Variants in ASCC3 observed in about 807,000 individuals in gnomAD.
The protein encoded by ASCC3 is activating signal cointegrator 1 complex subunit 3, also known as ASC-1 complex subunit P200.
ASCC3 carries 158 observed loss-of-function variants against 256.3 expected under a neutral mutation model. That is an observed-to-expected ratio of 0.62 (90% CI 0.54 to 0.70). ASCC3 has a LOEUF of 0.70. Among genes scored for constraint, ASCC3 ranks in the 30% least tolerant of loss-of-function variants. The probability of loss-of-function intolerance (pLI) is 0.00; values close to 1 mark genes in which losing one functional copy is unlikely to be tolerated. For missense variants in ASCC3, 2,259 were observed against 2,626.0 expected (o/e 0.86, Z 3.05); for synonymous variants, 948 against 883.4 (o/e 1.07, Z -1.30).
At chr6:100,792,293 TATACA>T (rs1769386486) in intron 8 of ASCC3, among the ~76,000 whole-genome samples, 1 of 151,960 alleles carries the variant, frequency 6.6e-6, no homozygotes, top group Non-Finnish European at 1.5e-5. Flanking sequence ...AATATTTTGC[TATACA>T]ATACATCTGA....
chr6:100,606,715 A>AT (rs1243674479), intron 32 of ASCC3, 25 bp downstream of exon 32: 2 of 1,583,288 alleles, frequency 1.3e-6, no homozygotes, highest in Non-Finnish European at 1.7e-6. Flanking sequence ...AGCTTCATGT[A>AT]TTTCTGTGAA....
chr6:100,853,319 C>T (rs904884111), intron 3 of ASCC3, among the ~76,000 whole-genome samples: 1 of 151,362 alleles, frequency 6.6e-6, no homozygotes, highest in Non-Finnish European at 1.5e-5. Flanking sequence ...CTGTAGCCTA[C>T]TTTAATAGTT....
At chr6:100,529,898 A>G (rs1774780180) in intron 37 of ASCC3, among the ~76,000 whole-genome samples, 1 of 152,170 alleles carries the variant, frequency 6.6e-6, no homozygotes, top group Non-Finnish European at 1.5e-5. Flanking sequence ...CAAGTACAAC[A>G]GGGCCTGATA....
At chr6:100,515,808 C>G (rs1187629343) in intron 39 of ASCC3, among the ~76,000 whole-genome samples, 1 of 152,146 alleles carries the variant, frequency 6.6e-6, no homozygotes, top group Admixed American at 6.5e-5. Flanking sequence ...TAGGATAATG[C>G]AGACGAGTGA....
intron 36 of ASCC3, among the ~76,000 whole-genome samples, chr6:100,584,566 A>G (rs566903476): frequency 4.6e-5 from 7 of 152,102 alleles, no homozygotes; most frequent in East Asian, 3.9e-4. Flanking sequence ...TTTAATTGGA[A>G]CATTTAGTCC....
intron 11 of ASCC3, among the ~76,000 whole-genome samples, chr6:100,723,933 T>C (rs899999710): frequency 9.1e-5 from 13 of 142,930 alleles, no homozygotes; most frequent in Non-Finnish European, 1.8e-4. Flanking sequence ...ATATAATATA[T>C]ATATATACAC....
intron 36 of ASCC3, among the ~76,000 whole-genome samples, chr6:100,547,640 C>T (rs1769047328): frequency 6.6e-6 from 1 of 151,886 alleles, no homozygotes; most frequent in African/African-American, 2.4e-5. Context: ...TGTGACATAG[C>T]AAGTGTTGGA....
intron 30 of ASCC3, among the ~76,000 whole-genome samples, chr6:100,612,841 TCAAAGACAAGCA>T (rs1227228312): frequency 1.3e-5 from 2 of 151,968 alleles, no homozygotes; most frequent in African/African-American, 4.8e-5. Context: ...TTTCTGACGC[TCAAAGACAAGCA>T]CACCTCAAAA....
chr6:100,817,468 G>T (rs946307932), intron 4 of ASCC3, among the ~76,000 whole-genome samples: 1 of 151,648 alleles, frequency 6.6e-6, no homozygotes, highest in African/African-American at 2.4e-5. Flanking sequence ...AAACAATAGA[G>T]AAAATAAAGG....
chr6:100,543,002 A>G (rs1210887719), intron 36 of ASCC3, among the ~76,000 whole-genome samples: 1 of 152,196 alleles, frequency 6.6e-6, no homozygotes, highest in Non-Finnish European at 1.5e-5. Flanking sequence ...TGCATTATGG[A>G]GTTTAAAATA....
chr6:100,517,857 C>T, intron 38 of ASCC3, 134 bp downstream of exon 38: 1 of 1,023,052 alleles, frequency 9.8e-7, no homozygotes, highest in Non-Finnish European at 1.4e-6. Flanking sequence ...CCATGTCTCA[C>T]TCTGGGAAAC....
intron 36 of ASCC3, among the ~76,000 whole-genome samples, chr6:100,584,530 C>G (rs1317207400): frequency 6.6e-6 from 1 of 152,116 alleles, no homozygotes; most frequent in Non-Finnish European, 1.5e-5. Context: ...TGGGTCTTGA[C>G]TCTATCCAAT....
intron 16 of ASCC3, 135 bp downstream of exon 16, chr6:100,661,671 G>A: frequency 2.4e-6 from 2 of 841,404 alleles, no homozygotes; most frequent in Non-Finnish European, 3.9e-6. Context: ...CATTCACCCT[G>A]TTTTGTCTTA....
chr6:100,668,265 C>G (rs1427393975), intron 14 of ASCC3, among the ~76,000 whole-genome samples: 1 of 151,796 alleles, frequency 6.6e-6, no homozygotes, highest in Non-Finnish European at 1.5e-5. Context: ...CCAATATCAG[C>G]AAAACGAAAA....
intron 37 of ASCC3, among the ~76,000 whole-genome samples, chr6:100,524,456 A>G (rs534608658): frequency 2.8e-4 from 42 of 152,306 alleles, no homozygotes; most frequent in African/African-American, 9.1e-4. Flanking sequence ...AAATAATCCA[A>G]AAGTAAAATA....
At chr6:100,758,567 C>T (rs1489896098) in intron 10 of ASCC3, among the ~76,000 whole-genome samples, 1 of 152,202 alleles carries the variant, frequency 6.6e-6, no homozygotes, top group East Asian at 1.9e-4. Context: ...AGGACATGAT[C>T]TCATTCCTTT....
At chr6:100,560,748 A>AACACACACACACACAC (rs747539213) in intron 36 of ASCC3, among the ~76,000 whole-genome samples, 11 of 133,944 alleles carry the variant, frequency 8.2e-5, no homozygotes, top group East Asian at 4.6e-4. Flanking sequence ...ATCTTAGAGG[A>AACACACACACACACAC]ACACACACAC....
chr6:100,841,802 G>A (rs1772156648), intron 4 of ASCC3, among the ~76,000 whole-genome samples: 1 of 152,110 alleles, frequency 6.6e-6, no homozygotes, highest in Non-Finnish European at 1.5e-5. Flanking sequence ...AGGACTGAAT[G>A]GCAGTAGGAG....
chr6:100,870,353 G>C (rs1773682967), intron 1 of ASCC3, among the ~76,000 whole-genome samples: 1 of 130,542 alleles, frequency 7.7e-6, no homozygotes, highest in South Asian at 2.4e-4. Flanking sequence ...GACAGAGTGA[G>C]AGTCCGTCTC....
Sources: allele counts gnomAD v4.1 joint callset (sites outside exome capture counted in the v4.1 genomes callset), GRCh38; gene constraint gnomAD v4.1.1; transcripts MANE v1.5; gene names NCBI Gene and HGNC (gene_info 2026-07-23, HGNC 2026-07-21).